TCF12: variants seen among roughly 807,000 people sequenced by gnomAD.
The protein encoded by TCF12 is transcription factor 12.
In TCF12, 45 loss-of-function variants were observed where a neutral mutation model predicts 86.0. The ratio of observed to expected loss-of-function variants is 0.52; its 90% CI spans 0.41 to 0.67. The LOEUF (loss-of-function observed/expected upper bound fraction) is 0.67, where lower values mean the gene tolerates loss of function less well. TCF12 is among the 30% of genes least tolerant of loss of function. The pLI is 0.00. For synonymous variants in TCF12, 330 were observed against 299.6 expected, an observed-to-expected ratio of 1.10 and a Z score of -1.05; for missense variants, 881 against 859.9, an observed-to-expected ratio of 1.02 and a Z score of -0.31.
chr15:57,170,642 AATATATATATTATATAAAAT>A (rs2055261300), intron 6 of TCF12, among the ~76,000 whole-genome samples: 1 of 31,322 alleles, frequency 3.2e-5, no homozygotes, highest in Admixed American at 4.3e-4. Context: ...ATATATATAT[AATATATATATTATATAAAAT>A]ATATATATAT....
chr15:57,221,160 A>G (rs1461898260), intron 8 of TCF12, among the ~76,000 whole-genome samples: 3 of 152,172 alleles, frequency 2.0e-5, no homozygotes, highest in African/African-American at 7.2e-5. Flanking sequence ...CAAAAAAGAT[A>G]AGCAAGTCAA....
intron 5 of TCF12, among the ~76,000 whole-genome samples, chr15:57,162,844 G>C (rs1312594991): frequency 6.6e-6 from 1 of 151,078 alleles, no homozygotes; most frequent in African/African-American, 2.4e-5. Context: ...TTTTTTTAAA[G>C]AGTTCTTACT....
chr15:57,261,858 A>G (rs1373081532), intron 16 of TCF12, among the ~76,000 whole-genome samples: 1 of 152,164 alleles, frequency 6.6e-6, no homozygotes, highest in East Asian at 1.9e-4. Flanking sequence ...TTTACAAATT[A>G]GAAGTTTCAT....
intron 8 of TCF12, among the ~76,000 whole-genome samples, chr15:57,200,787 C>G (rs1260252737): frequency 1.3e-5 from 2 of 152,158 alleles, no homozygotes; most frequent in Non-Finnish European, 2.9e-5. Context: ...CTCTGTTCCT[C>G]TCTGCAGAAC....
At chr15:57,203,771 C>T (rs943214405) in intron 8 of TCF12, among the ~76,000 whole-genome samples, 2 of 152,156 alleles carry the variant, frequency 1.3e-5, no homozygotes, top group African/African-American at 4.8e-5. Flanking sequence ...TTTGTCAGGG[C>T]ACGGTGGCTG....
intron 5 of TCF12, among the ~76,000 whole-genome samples, chr15:57,096,688 A>G (rs1368640266): frequency 2.0e-5 from 3 of 152,200 alleles, no homozygotes; most frequent in African/African-American, 4.8e-5. Context: ...AAATGTCTGT[A>G]TACATTCGGC....
intron 3 of TCF12, among the ~76,000 whole-genome samples, chr15:56,966,768 T>C (rs1196218674): frequency 2.0e-5 from 3 of 152,198 alleles, no homozygotes; most frequent in Non-Finnish European, 2.9e-5. Context: ...ACCTGAACTG[T>C]AGTGTCAATA....
intron 3 of TCF12, among the ~76,000 whole-genome samples, chr15:56,994,164 T>C (rs1157077671): frequency 6.6e-6 from 1 of 152,104 alleles, no homozygotes; most frequent in African/African-American, 2.4e-5. Context: ...AACTTGAAGA[T>C]AAATCAATAG....
At chr15:57,031,112 T>C (rs768595215) in intron 3 of TCF12, among the ~76,000 whole-genome samples, 1 of 152,226 alleles carries the variant, frequency 6.6e-6, no homozygotes, top group Non-Finnish European at 1.5e-5. Flanking sequence ...TCAAAAGGAA[T>C]AGGGTGCAAA....
chr15:57,197,905 T>C, intron 8 of TCF12, 80 bp downstream of exon 8: 3 of 1,419,498 alleles, frequency 2.1e-6, no homozygotes, highest in Non-Finnish European at 3.0e-6. Flanking sequence ...CAAGGGTACA[T>C]TCGATTGATG....
At chr15:56,969,115 T>C (rs1305031396) in intron 3 of TCF12, among the ~76,000 whole-genome samples, 1 of 152,226 alleles carries the variant, frequency 6.6e-6, no homozygotes, top group Non-Finnish European at 1.5e-5. Context: ...AATTTCCTTG[T>C]GGGCAAATTG....
intron 3 of TCF12, among the ~76,000 whole-genome samples, chr15:57,044,949 G>T (rs1219630722): frequency 1.3e-5 from 2 of 152,240 alleles, no homozygotes; most frequent in African/African-American, 4.8e-5. Flanking sequence ...AAACTTGGGG[G>T]TGTAAATGAC....
At chr15:57,193,045 T>C (rs888087955) in intron 7 of TCF12, among the ~76,000 whole-genome samples, 82 of 152,300 alleles carry the variant, frequency 5.4e-4, no homozygotes, top group African/African-American at 1.8e-3. Context: ...AAAAATGATA[T>C]AACAAAATTT....
At chr15:57,252,901 AG>A (rs1274935970) in intron 15 of TCF12, among the ~76,000 whole-genome samples, 1 of 151,614 alleles carries the variant, frequency 6.6e-6, no homozygotes. Context: ...CATCATTCAA[AG>A]ATCAGTATTA....
intron 6 of TCF12, among the ~76,000 whole-genome samples, chr15:57,189,765 C>T (rs1313356453): frequency 6.6e-6 from 1 of 152,168 alleles, no homozygotes; most frequent in Non-Finnish European, 1.5e-5. Context: ...AAAACAATTA[C>T]TCAAATACTT....
chr15:56,987,787 G>T (rs1435290954), intron 3 of TCF12, among the ~76,000 whole-genome samples: 2 of 152,158 alleles, frequency 1.3e-5, no homozygotes, highest in Admixed American at 1.3e-4. Context: ...ATTTAAATTC[G>T]TGGTTTGGCA....
chr15:57,151,167 G>C (rs1240775692), intron 5 of TCF12, among the ~76,000 whole-genome samples: 4 of 134,650 alleles, frequency 3.0e-5, no homozygotes, highest in Non-Finnish European at 6.3e-5. Flanking sequence ...TTTTTTTAGA[G>C]ACAGGGTCTT....
At chr15:57,094,941 G>T (rs552202616) in intron 5 of TCF12, among the ~76,000 whole-genome samples, 2 of 152,296 alleles carry the variant, frequency 1.3e-5, no homozygotes, top group South Asian at 4.1e-4. Flanking sequence ...TTGCAAAAAT[G>T]AGAAATTTTG....
chr15:57,119,502 A>G (rs2051081782), intron 5 of TCF12, among the ~76,000 whole-genome samples: 2 of 145,540 alleles, frequency 1.4e-5, no homozygotes, highest in African/African-American at 2.6e-5. Context: ...ACGATACTGT[A>G]TGCTATTTTT....
Sources: gnomAD v4.1 joint callset for allele counts (sites outside exome capture counted in the v4.1 genomes callset) on GRCh38, gnomAD v4.1.1 for gene constraint, MANE v1.5 for transcripts, NCBI Gene and HGNC (gene_info 2026-07-23, HGNC 2026-07-21) for gene names.